Variants in SCMH1 observed in about 807,000 individuals in gnomAD.
The protein encoded by SCMH1 is polycomb protein SCMH1.
In SCMH1, 37 loss-of-function variants were observed where a neutral mutation model predicts 70.8. The observed-to-expected ratio is 0.52, with a 90% CI of 0.40 to 0.69. SCMH1 has a LOEUF of 0.69. SCMH1 is among the 30% of genes least tolerant of loss of function. The pLI, the probability that SCMH1 is intolerant of heterozygous loss-of-function variation, is 0.00. For missense variants in SCMH1, 607 were observed against 827.3 expected (o/e 0.73, Z 3.27); for synonymous variants, 292 against 307.4 (o/e 0.95, Z 0.52).
At chr1:41,122,386 T>G (rs1488689690) in intron 6 of SCMH1, among the ~76,000 whole-genome samples, 1 of 152,206 alleles carries the variant, frequency 6.6e-6, no homozygotes. Context: ...CTTGACTACT[T>G]TACCCAAAAT....
chr1:41,215,098 T>C (rs1190297676), intron 1 of SCMH1, among the ~76,000 whole-genome samples: 2 of 152,204 alleles, frequency 1.3e-5, no homozygotes, highest in East Asian at 1.9e-4. Flanking sequence ...TTCCATTTCA[T>C]TAATGAAGAG....
intron 5 of SCMH1, among the ~76,000 whole-genome samples, chr1:41,147,585 T>C (rs891113814): frequency 6.6e-6 from 1 of 152,130 alleles, no homozygotes; most frequent in Non-Finnish European, 1.5e-5. Flanking sequence ...AAATCCACTA[T>C]ATATTTGCTG....
At chr1:41,223,899 C>T (rs916946019) in intron 1 of SCMH1, among the ~76,000 whole-genome samples, 1 of 152,096 alleles carries the variant, frequency 6.6e-6, no homozygotes. Flanking sequence ...TGCTCAAAAC[C>T]CTTCACTGAC....
At chr1:41,241,981 C>G (rs540213841) in intron 1 of SCMH1, 78 bp downstream of exon 1, 2,866 of 152,224 alleles carry the variant, frequency 0.019, 48 homozygotes, top group Non-Finnish European at 0.027. Flanking sequence ...GCGCAGGTCC[C>G]GCCACCGCCT....
At chr1:41,092,136 C>T (rs1663735303) in intron 8 of SCMH1, among the ~76,000 whole-genome samples, 2 of 152,154 alleles carry the variant, frequency 1.3e-5, no homozygotes, top group African/African-American at 4.8e-5. Flanking sequence ...TACAAGGTTA[C>T]AGTAACCAAA....
At chr1:41,236,142 C>T (rs1662334793) in intron 1 of SCMH1, among the ~76,000 whole-genome samples, 1 of 152,196 alleles carries the variant, frequency 6.6e-6, no homozygotes, top group African/African-American at 2.4e-5. Context: ...GTATTTTCAT[C>T]TTAATAGATA....
At chr1:41,067,114 A>G (rs1434003106) in intron 10 of SCMH1, among the ~76,000 whole-genome samples, 1 of 152,096 alleles carries the variant, frequency 6.6e-6, no homozygotes, top group Non-Finnish European at 1.5e-5. Flanking sequence ...AAACTGTGAA[A>G]CATCTGGACA....
At chr1:41,055,024 C>T (rs1005552157) in intron 10 of SCMH1, among the ~76,000 whole-genome samples, 19 of 152,092 alleles carry the variant, frequency 1.2e-4, no homozygotes, top group Non-Finnish European at 1.9e-4. Context: ...CTCAAGGAAT[C>T]CTCCCACCTT....
At position 41,075,510 on chromosome 1, in the gene SCMH1, A is replaced by G. The variant is rs1658021868; in HGVS notation, c.746-59T>C. ...TCCCCCCTGCATTCTCATCCCAGCCAGAAGAAAAAAAGGACTTGCCACTTC... is the reference window on the plus strand; with the variant it reads ...TCCCCCCTGCATTCTCATCCCAGCCGGAAGAAAAAAAGGACTTGCCACTTC... On this transcript the variant is annotated intron_variant, in intron 8 of 14. Coordinates refer to ENST00000337495, the Ensembl canonical transcript of SCMH1. 16 of 1,470,366 alleles carry G rather than the reference A, an allele frequency of 1.1e-5. No homozygotes were observed. In the Admixed American group the frequency reaches 2.9e-4, roughly 27 times the overall value. 91.1% of individuals were successfully genotyped at this position (1,470,366 alleles called of 1,614,324 possible). A position where few individuals can be genotyped will look rare whatever the true frequency, so the allele number is the denominator to read the frequency against.
At chr1:41,148,512 T>C (rs1487828776) in intron 5 of SCMH1, among the ~76,000 whole-genome samples, 1 of 152,222 alleles carries the variant, frequency 6.6e-6, no homozygotes, top group Non-Finnish European at 1.5e-5. Flanking sequence ...ACATTTTTGC[T>C]GGCTGCAGTA....
In SCMH1 at chr1:41,042,149, C is replaced by G. The variant is rs539684703; in HGVS notation, c.1498+4258G>C. ...CATGCCTTGCTGGGCCAGAGTACCT[C>G]TGTGCTCTGCTTTCACCACATACAT... On this transcript the variant is annotated intron_variant, in intron 12 of 14. Coordinates refer to ENST00000337495, the Ensembl canonical transcript of SCMH1. 2.0e-3 allele frequency among the ~76,000 whole-genome samples: 306 copies of G among 152,050 alleles called. 1 individual carries two copies. Among genetic ancestry groups the G allele is most frequent in the African/African-American group, 7.0e-3 (292 of 41,476 alleles).
intron 2 of SCMH1, among the ~76,000 whole-genome samples, chr1:41,178,180 G>A (rs916404496): frequency 3.3e-5 from 5 of 152,108 alleles, no homozygotes; most frequent in Non-Finnish European, 7.3e-5. Context: ...TTACAGACAA[G>A]CAAATGCTGA....
At chr1:41,169,695 CAGAAG>C (rs1355651597) in intron 2 of SCMH1, among the ~76,000 whole-genome samples, 2 of 152,164 alleles carry the variant, frequency 1.3e-5, no homozygotes, top group Admixed American at 1.3e-4. Flanking sequence ...AAGTAGTCAC[CAGAAG>C]AGTATGTCAT....
In SCMH1 at chr1:41,161,342, A is replaced by C. The variant is rs568852802; in HGVS notation, c.82+22T>G. 7.3e-5 allele frequency: 113 copies of C among 1,547,354 alleles called. 1 individual carries two copies. Among genetic ancestry groups the C allele is most frequent in the South Asian group, 3.5e-4 (29 of 83,254 alleles). ...TGCCGAGTAAAATTTTTCCACACCA[A>C]ACGGAGTTTTTTCCCCCTTACCTTG... On this transcript the variant is annotated intron_variant, in intron 3 of 14. Transcript: ENST00000337495.
intron 8 of SCMH1, among the ~76,000 whole-genome samples, chr1:41,085,045 G>A (rs1371022351): frequency 1.3e-5 from 2 of 151,276 alleles, no homozygotes; most frequent in African/African-American, 4.9e-5. Flanking sequence ...GTTAGTGGGT[G>A]CAGCACACCA....
chr1:41,027,501 G>A (rs1643948912), exon 15 of SCMH1: 1 of 152,218 alleles, frequency 6.6e-6, no homozygotes, highest in Non-Finnish European at 1.5e-5. Context: ...GTGAAGAGAG[G>A]AGAAGGTGAC....
intron 1 of SCMH1, among the ~76,000 whole-genome samples, chr1:41,235,565 C>T (rs1344606536): frequency 8.8e-6 from 1 of 113,138 alleles, no homozygotes; most frequent in Non-Finnish European, 1.7e-5. Flanking sequence ...AATGAGACTC[C>T]GTCTAAAAAA....
intron 4 of SCMH1, among the ~76,000 whole-genome samples, chr1:41,157,911 T>A (rs1645688134): frequency 6.6e-6 from 1 of 152,262 alleles, no homozygotes; most frequent in East Asian, 1.9e-4. Flanking sequence ...TTAAAATCTT[T>A]ACTGTTTAAC....
At chr1:41,209,274 C>T (rs1656411676) in intron 1 of SCMH1, among the ~76,000 whole-genome samples, 1 of 152,166 alleles carries the variant, frequency 6.6e-6, no homozygotes, top group African/African-American at 2.4e-5. Flanking sequence ...CACAGTTGAA[C>T]TCTACCAGAG....
Sources: allele counts gnomAD v4.1 joint callset (sites outside exome capture counted in the v4.1 genomes callset), GRCh38; gene constraint gnomAD v4.1.1; transcripts MANE v1.5; gene names NCBI Gene and HGNC (gene_info 2026-07-23, HGNC 2026-07-21).